Variants in MACROD2 observed in about 807,000 individuals in gnomAD.
The protein encoded by MACROD2 is mono-ADP ribosylhydrolase 2.
A neutral mutation model predicts 70.4 loss-of-function variants in MACROD2; 36 were observed. The ratio of observed to expected loss-of-function variants is 0.51; its 90% CI spans 0.39 to 0.68. The LOEUF (loss-of-function observed/expected upper bound fraction) is 0.68. MACROD2 is among the 30% of genes least tolerant of loss of function. The pLI, the probability that MACROD2 is intolerant of heterozygous loss-of-function variation, is 0.00. For missense variants in MACROD2, 496 were observed against 538.4 expected (o/e 0.92, Z 0.78); for synonymous variants, 172 against 178.8 (o/e 0.96, Z 0.30).
chr20:14,768,062 A>G (rs1312971513), intron 5 of MACROD2, among the ~76,000 whole-genome samples: 2 of 152,066 alleles, frequency 1.3e-5, no homozygotes, highest in Admixed American at 1.3e-4. Flanking sequence ...GGTTGGTTCC[A>G]AGTCTTTGCT....
At chr20:14,665,476 A>T (rs147230868) in intron 4 of MACROD2, among the ~76,000 whole-genome samples, 2 of 152,192 alleles carry the variant, frequency 1.3e-5, no homozygotes, top group African/African-American at 4.8e-5. Flanking sequence ...ATAGGAATAT[A>T]TAAAAGCAGT....
intron 2 of MACROD2, among the ~76,000 whole-genome samples, chr20:14,009,271 C>T (rs536370871): frequency 6.6e-6 from 1 of 152,142 alleles, no homozygotes; most frequent in African/African-American, 2.4e-5. Flanking sequence ...AAGAAAAAAC[C>T]AAACAACCCC....
At chr20:15,262,214 C>T (rs1169446225) in intron 6 of MACROD2, among the ~76,000 whole-genome samples, 1 of 151,928 alleles carries the variant, frequency 6.6e-6, no homozygotes, top group African/African-American at 2.4e-5. Context: ...CCCTTCCTAG[C>T]CTCTGGTAAC....
intron 10 of MACROD2, among the ~76,000 whole-genome samples, chr20:15,886,500 T>C (rs1047374572): frequency 1.3e-5 from 2 of 151,940 alleles, no homozygotes; most frequent in Non-Finnish European, 2.9e-5. Context: ...TTTTGGGGAG[T>C]GGTTCTATAG....
intron 8 of MACROD2, among the ~76,000 whole-genome samples, chr20:15,503,871 G>T (rs922738203): frequency 6.6e-6 from 1 of 152,104 alleles, no homozygotes; most frequent in Non-Finnish European, 1.5e-5. Flanking sequence ...CAAAAAAGAG[G>T]AATCTATGTA....
At position 14,842,051 on chromosome 20, in the gene MACROD2, A is replaced by T. The variant is rs569346826; in HGVS notation, c.418+157092A>T. ...TTGTTTGTTTGTTTGTTTATTCACG[A>T]GTCTAGAGGCTGGGAAGTCCAAAAT... On this transcript the variant is annotated intron_variant, in intron 5 of 17. Coordinates refer to ENST00000684519, the MANE Select transcript of MACROD2 (RefSeq NM_001351661.2). Among the ~76,000 whole-genome samples the T allele has an allele frequency of 2.0e-5, 3 of 151,632 alleles. No homozygotes were observed. In the East Asian group the frequency reaches 5.8e-4, roughly 30 times the overall value.
intron 4 of MACROD2, among the ~76,000 whole-genome samples, chr20:14,561,787 C>A (rs1054535141): frequency 6.6e-6 from 1 of 151,764 alleles, no homozygotes; most frequent in Non-Finnish European, 1.5e-5. Flanking sequence ...TGCTTTGAAG[C>A]ATAATCTCTA....
At chr20:14,246,991 C>T (rs1170591459) in intron 3 of MACROD2, among the ~76,000 whole-genome samples, 1 of 152,094 alleles carries the variant, frequency 6.6e-6, no homozygotes, top group Non-Finnish European at 1.5e-5. Flanking sequence ...CCTTTTGTCT[C>T]CTCTCATTTT....
At chr20:15,597,294 T>C (rs971169420) in intron 8 of MACROD2, among the ~76,000 whole-genome samples, 2 of 152,206 alleles carry the variant, frequency 1.3e-5, no homozygotes, top group African/African-American at 2.4e-5. Flanking sequence ...GAGGCGTGTC[T>C]CCACATGAAA....
intron 5 of MACROD2, among the ~76,000 whole-genome samples, chr20:15,071,815 A>T (rs2075621259): frequency 6.6e-6 from 1 of 152,178 alleles, no homozygotes; most frequent in Admixed American, 6.5e-5. Context: ...GAATCCTAAA[A>T]TTCAGAACAT....
intron 6 of MACROD2, among the ~76,000 whole-genome samples, chr20:15,372,221 G>C (rs2045504124): frequency 6.6e-6 from 1 of 152,172 alleles, no homozygotes; most frequent in South Asian, 2.1e-4. Context: ...AGTTGGACTA[G>C]ACTGGAATGT....
At chr20:15,538,766 G>T (rs2047912243) in intron 8 of MACROD2, among the ~76,000 whole-genome samples, 1 of 152,040 alleles carries the variant, frequency 6.6e-6, no homozygotes, top group Non-Finnish European at 1.5e-5. Context: ...AAATGCTGAA[G>T]AAATACATTC....
At chr20:14,383,396 G>A (rs62207628) in intron 3 of MACROD2, among the ~76,000 whole-genome samples, 24,490 of 151,452 alleles carry the variant, frequency 0.16, 2,619 homozygotes, top group Non-Finnish European at 0.23. Flanking sequence ...TTGTTCCTTC[G>A]TGAACACTGA....
chr20:14,692,639 G>A (rs925258845), intron 5 of MACROD2, among the ~76,000 whole-genome samples: 3 of 152,158 alleles, frequency 2.0e-5, no homozygotes, highest in South Asian at 4.1e-4. Context: ...CGAGCAAGAA[G>A]ACACTCAAGA....
At chr20:14,268,512 C>G (rs1466040098) in intron 3 of MACROD2, among the ~76,000 whole-genome samples, 4 of 152,064 alleles carry the variant, frequency 2.6e-5, no homozygotes, top group African/African-American at 9.7e-5. Flanking sequence ...GTTAGGCTTG[C>G]TTAGATTCAG....
chr20:14,268,558 A>T (rs568553243), intron 3 of MACROD2, among the ~76,000 whole-genome samples: 1 of 152,106 alleles, frequency 6.6e-6, no homozygotes. Flanking sequence ...GAAAATTTCC[A>T]TAGATGATGG....
chr20:15,215,068 T>C (rs2076797430), intron 5 of MACROD2, among the ~76,000 whole-genome samples: 1 of 152,200 alleles, frequency 6.6e-6, no homozygotes, highest in Non-Finnish European at 1.5e-5. Context: ...AACTGAACTA[T>C]AGTTTTCTGG....
chr20:15,476,580 G>C (rs942010165), intron 7 of MACROD2, among the ~76,000 whole-genome samples: 4 of 141,646 alleles, frequency 2.8e-5, no homozygotes, highest in African/African-American at 5.4e-5. Flanking sequence ...GCCCCCCCCC[G>C]GTAAGTCTGT....
intron 4 of MACROD2, among the ~76,000 whole-genome samples, chr20:14,595,723 C>T (rs1982082622): frequency 6.6e-6 from 1 of 152,182 alleles, no homozygotes; most frequent in Non-Finnish European, 1.5e-5. Flanking sequence ...AAGGTTCTTA[C>T]TACACATTGT....
Sources: gnomAD v4.1 joint callset for allele counts (sites outside exome capture counted in the v4.1 genomes callset) on GRCh38, gnomAD v4.1.1 for gene constraint, MANE v1.5 for transcripts, NCBI Gene and HGNC (gene_info 2026-07-23, HGNC 2026-07-21) for gene names.